The following IFT88 variants were observed in gnomAD, a reference collection of about 807,000 sequenced individuals.
IFT88 encodes the protein intraflagellar transport 88.
In IFT88, 74 loss-of-function variants were observed where a neutral mutation model predicts 119.5. That is an observed-to-expected ratio of 0.62 (90% CI 0.51 to 0.75). The LOEUF is 0.75. IFT88 is among the 30% of genes least tolerant of loss of function. The pLI, the probability that IFT88 is intolerant of heterozygous loss-of-function variation, is 0.00. For synonymous variants in IFT88, 279 were observed against 316.7 expected, an observed-to-expected ratio of 0.88 and a Z score of 1.26; for missense variants, 961 against 977.7, an observed-to-expected ratio of 0.98 and a Z score of 0.23.
chr13:20,594,370 T>A (rs931354976), intron 7 of IFT88, among the ~76,000 whole-genome samples: 2 of 152,196 alleles, frequency 1.3e-5, no homozygotes, highest in Non-Finnish European at 2.9e-5. Flanking sequence ...GAAGCAGATA[T>A]GCCTTCATTT....
chr13:20,595,450 T>A (rs948116132), intron 7 of IFT88, among the ~76,000 whole-genome samples: 2 of 151,840 alleles, frequency 1.3e-5, no homozygotes, highest in African/African-American at 4.8e-5. Context: ...CCCCAACACC[T>A]GGCTAATTTT....
rs1327978138 is a variant in IFT88, at chr13:20,598,662, T to C, written c.606T>C (p.Asn202=). 1.9e-6 allele frequency: 3 copies of C among 1,606,362 alleles called. No homozygotes were observed. In the African/African-American group the frequency reaches 4.0e-5, roughly 21 times the overall value. Residue 202 remains asparagine, a synonymous_variant, in exon 10 of 26, where the codon AAT becomes AAC. Coordinates refer to ENST00000351808, the MANE Select transcript of IFT88 (RefSeq NM_006531.5). Reference sequence around the variant, plus strand: ...ATTTTCTTCCTTAGGTTCTTTTCAATTTGGCCAGTCAGTATTCAGTTAATG... The same window carrying C: ...ATTTTCTTCCTTAGGTTCTTTTCAACTTGGCCAGTCAGTATTCAGTTAATG... ...NLDLTYSVLF[N]LASQYSVNEM... is the part of the protein sequence containing the mutation.
chr13:20,601,506 A>G (rs1566145345), intron 11 of IFT88, among the ~76,000 whole-genome samples, 199 bp from the exon 12 acceptor site: 1 of 152,268 alleles, frequency 6.6e-6, no homozygotes, highest in East Asian at 1.9e-4. Context: ...AACTATATAA[A>G]TACAGCAATA....
At chr13:20,582,327 C>G (rs1406897296) in intron 2 of IFT88, among the ~76,000 whole-genome samples, 1 of 152,178 alleles carries the variant, frequency 6.6e-6, no homozygotes, top group African/African-American at 2.4e-5. Context: ...TTTCAGGAAT[C>G]AGCAAAGCAA....
chr13:20,597,497 C>A (rs2041858035), intron 9 of IFT88, among the ~76,000 whole-genome samples: 1 of 152,054 alleles, frequency 6.6e-6, no homozygotes, highest in Non-Finnish European at 1.5e-5. Context: ...GTAATCCCAG[C>A]ACTTTGGGAG....
chr13:20,670,522 C>CAT (rs2055611103), intron 23 of IFT88, among the ~76,000 whole-genome samples: 1 of 117,348 alleles, frequency 8.5e-6, no homozygotes, highest in Non-Finnish European at 1.8e-5. Flanking sequence ...ACTCAGCTTA[C>CAT]CTTTTTTTTT....
intron 7 of IFT88, among the ~76,000 whole-genome samples, chr13:20,592,786 A>G (rs959326796): frequency 4.6e-5 from 7 of 152,174 alleles, no homozygotes; most frequent in Non-Finnish European, 1.0e-4. Flanking sequence ...TTACATAATT[A>G]TGTGACTTCC....
At chr13:20,586,311 A>G (rs568699950) in intron 3 of IFT88, among the ~76,000 whole-genome samples, 29 of 152,232 alleles carry the variant, frequency 1.9e-4, no homozygotes, top group Non-Finnish European at 3.8e-4. Flanking sequence ...TAAGAGGACA[A>G]AATTCTAGGT....
intron 22 of IFT88, among the ~76,000 whole-genome samples, chr13:20,659,477 C>G (rs756952815): frequency 6.6e-6 from 1 of 151,608 alleles, no homozygotes; most frequent in East Asian, 1.9e-4. Flanking sequence ...CTGGGCATCT[C>G]TAAATCTCTT....
In IFT88 at chr13:20,653,941, G is replaced by A. The variant is rs753820581; in HGVS notation, c.2002+13G>A. On this transcript the variant is annotated intron_variant, in intron 21 of 25. Coordinates refer to ENST00000351808, the MANE Select transcript of IFT88 (RefSeq NM_006531.5). ...TTCAGAAGAAGTGGTAAATGCTTTA[G>A]TTTTATTCATTTTATAGATATTTTG... 89 of 1,540,754 alleles carry A rather than the reference G, an allele frequency of 5.8e-5. No homozygotes were observed. The highest frequency in any genetic ancestry group is 5.7e-5 in the Non-Finnish European group (65 of 1,132,290).
intron 1 of IFT88, among the ~76,000 whole-genome samples, chr13:20,573,950 G>C (rs1593656978): frequency 6.6e-6 from 1 of 152,074 alleles, no homozygotes; most frequent in African/African-American, 2.4e-5. Flanking sequence ...GGAATTTGAT[G>C]TGAAAAAAAT....
intron 14 of IFT88, 104 bp downstream of exon 14, chr13:20,615,983 G>T (rs373353484): frequency 1.8e-6 from 1 of 547,228 alleles, no homozygotes; most frequent in South Asian, 3.3e-5. Context: ...TATGAATGTT[G>T]ATTCATATTT....
chr13:20,664,371 T>C (rs2054304072), intron 23 of IFT88, among the ~76,000 whole-genome samples: 1 of 152,176 alleles, frequency 6.6e-6, no homozygotes. Context: ...GGAATCCACA[T>C]TTTTGGGTAA....
At chr13:20,666,233 C>T (rs924255689) in intron 23 of IFT88, among the ~76,000 whole-genome samples, 1 of 152,172 alleles carries the variant, frequency 6.6e-6, no homozygotes, top group Non-Finnish European at 1.5e-5. Flanking sequence ...ATGAGGATAG[C>T]GTTCTAGCTT....
At chr13:20,628,092 G>A (rs1316419996) in intron 15 of IFT88, among the ~76,000 whole-genome samples, 2 of 152,082 alleles carry the variant, frequency 1.3e-5, no homozygotes, top group Admixed American at 6.5e-5. Flanking sequence ...TTGGGTTGAC[G>A]TATCTCATAA....
rs777464164 is a variant in IFT88, at chr13:20,656,372, C to A, written c.2010C>A (p.Tyr670Ter). 3 of 1,451,800 alleles carry A rather than the reference C, an allele frequency of 2.1e-6. No individual in the cohort carries two copies. Among genetic ancestry groups the A allele is most frequent in the Admixed American group, 1.9e-5 (1 of 51,770 alleles). The allele number at this position is 1,451,800 out of a possible 1,614,324, so 89.9% of individuals were successfully genotyped here. A position where few individuals can be genotyped will look rare whatever the true frequency, so the allele number is the denominator to read the frequency against. The change falls in exon 22 of 26, where the codon TAC (tyrosine) becomes TAA (stop). Residue 670 changes from tyrosine (Y) to a stop codon, truncating the protein, a stop_gained. Coordinates refer to ENST00000351808, the MANE Select transcript of IFT88 (RefSeq NM_006531.5). LOFTEE classifies it high-confidence loss of function. Reference sequence around the variant, plus strand: ...TCTCTTGTTTGTTTATAGGTAACTACCAAAAAGCATTAGATACTTACAAAG... The same window carrying A: ...TCTCTTGTTTGTTTATAGGTAACTAACAAAAAGCATTAGATACTTACAAAG... ...VASCFRRSGN[Y>*]QKALDTYKDT...
chr13:20,653,973 TC>T (rs761861519), intron 21 of IFT88, 45 bp downstream of exon 21: 2 of 1,159,674 alleles, frequency 1.7e-6, no homozygotes, highest in South Asian at 2.8e-5. Context: ...TTTGCTTCTT[TC>T]CTTTTAGGTA....
chr13:20,625,364 G>T (rs1265814007), intron 14 of IFT88, among the ~76,000 whole-genome samples: 3 of 151,984 alleles, frequency 2.0e-5, no homozygotes, highest in Non-Finnish European at 2.9e-5. Flanking sequence ...TATTTAAGTT[G>T]GGACACAAAA....
intron 13 of IFT88, 117 bp from the exon 14 acceptor site, chr13:20,615,676 T>C (rs2045486191): frequency 1.9e-6 from 1 of 529,944 alleles, no homozygotes; most frequent in East Asian, 3.1e-5. Flanking sequence ...GTCCATTGTT[T>C]AGTAGGCTTT....
Sources: gnomAD v4.1 joint callset for allele counts (sites outside exome capture counted in the v4.1 genomes callset) on GRCh38, gnomAD v4.1.1 for gene constraint, MANE v1.5 for transcripts, NCBI Gene and HGNC (gene_info 2026-07-23, HGNC 2026-07-21) for gene names.